Variants in LAMA2 observed in about 807,000 individuals in gnomAD.
The protein encoded by LAMA2 is laminin subunit alpha 2.
A neutral mutation model predicts 364.8 loss-of-function variants in LAMA2; 269 were observed. The ratio of observed to expected loss-of-function variants is 0.74; its 90% CI spans 0.67 to 0.82. LAMA2 has a LOEUF of 0.82. Among genes scored for constraint, LAMA2 ranks in the 40% least tolerant of loss-of-function variants. The probability of loss-of-function intolerance (pLI) is 0.00; values close to 1 mark genes in which losing one functional copy is unlikely to be tolerated. For missense variants in LAMA2, 3,807 were observed against 3,873.2 expected (o/e 0.98, Z 0.45); for synonymous variants, 1,379 against 1,370.6 (o/e 1.01, Z -0.14).
intron 15 of LAMA2, among the ~76,000 whole-genome samples, chr6:129,264,468 A>G (rs1787359826): frequency 6.6e-6 from 1 of 152,060 alleles, no homozygotes; most frequent in Non-Finnish European, 1.5e-5. Context: ...GTCAATGTGT[A>G]TTTATAATAT....
intron 1 of LAMA2, among the ~76,000 whole-genome samples, chr6:128,923,727 G>A (rs1778899750): frequency 6.6e-6 from 1 of 152,098 alleles, no homozygotes; most frequent in Admixed American, 6.6e-5. Flanking sequence ...TTGATGCTAA[G>A]CCATGCTGCA....
chr6:129,027,475 A>C (rs1785905111), intron 1 of LAMA2, among the ~76,000 whole-genome samples: 1 of 151,996 alleles, frequency 6.6e-6, no homozygotes, highest in Non-Finnish European at 1.5e-5. Flanking sequence ...TTGACTATGC[A>C]CCTATTGGTG....
At chr6:129,310,466 A>C (rs1160004479) in intron 22 of LAMA2, among the ~76,000 whole-genome samples, 2 of 152,156 alleles carry the variant, frequency 1.3e-5, no homozygotes, top group East Asian at 3.9e-4. Flanking sequence ...ACTGGGCTGT[A>C]GATCTGAGAA....
intron 4 of LAMA2, among the ~76,000 whole-genome samples, chr6:129,110,434 G>A (rs567403072): frequency 3.9e-5 from 6 of 152,042 alleles, no homozygotes; most frequent in South Asian, 2.1e-4. Context: ...TTTATTTTAC[G>A]TTACCTAAGT....
At chr6:129,332,283 T>C in intron 29 of LAMA2, among the ~76,000 whole-genome samples, 1 of 152,364 alleles carries the variant, frequency 6.6e-6, no homozygotes, top group South Asian at 2.1e-4. Flanking sequence ...TGATACATTA[T>C]TGTATCTGAA....
At chr6:128,899,413 C>T (rs1582627947) in intron 1 of LAMA2, among the ~76,000 whole-genome samples, 1 of 152,316 alleles carries the variant, frequency 6.6e-6, no homozygotes, top group Non-Finnish European at 1.5e-5. Context: ...TTTCCAAGAT[C>T]TTTAGCTCTT....
chr6:129,278,678 A>C (rs1219630899), intron 17 of LAMA2, among the ~76,000 whole-genome samples: 2 of 152,160 alleles, frequency 1.3e-5, no homozygotes, highest in African/African-American at 2.4e-5. Flanking sequence ...TCTGCTGTTC[A>C]TCACAGCTAC....
rs1383370732 is a variant in LAMA2, at chr6:128,883,341, G to C, written c.96G>C (p.Gln32His). Residue 32 changes from glutamine to histidine, a missense_variant, in exon 1 of 65, where the codon CAG (glutamine) becomes CAC (histidine). Gln to His is a conservative substitution (Grantham distance 24). Coordinates refer to ENST00000421865, the MANE Select transcript of LAMA2 (RefSeq NM_000426.4). ...AQRPQQQRQS[Q>H]AHQQRGLFPA... ...GGCCGCAGCAGCAGCGGCAGTCACA[G>C]GCACATCAGCAAAGAGGTACAGTCG... The C allele has an allele frequency of 3.8e-6, 6 of 1,598,464 alleles. No homozygotes were observed. Among genetic ancestry groups the C allele is most frequent in the Non-Finnish European group, 4.3e-6 (5 of 1,172,872 alleles).
chr6:129,211,084 C>A (rs1783072290), intron 12 of LAMA2, among the ~76,000 whole-genome samples: 1 of 152,130 alleles, frequency 6.6e-6, no homozygotes, highest in Non-Finnish European at 1.5e-5. Flanking sequence ...AGGTCTCCTG[C>A]AGATTTAAAA....
At chr6:129,181,167 T>G (rs1014328013) in intron 10 of LAMA2, among the ~76,000 whole-genome samples, 1 of 152,048 alleles carries the variant, frequency 6.6e-6, no homozygotes, top group African/African-American at 2.4e-5. Context: ...GCTGGCATTC[T>G]TCAACAAGTC....
At chr6:129,372,243 C>A (rs548672729) in intron 34 of LAMA2, among the ~76,000 whole-genome samples, 2 of 152,084 alleles carry the variant, frequency 1.3e-5, no homozygotes, top group Non-Finnish European at 2.9e-5. Context: ...ATGTGTCCAC[C>A]GTTGTTGTAA....
At chr6:129,128,993 T>C (rs538416169) in intron 4 of LAMA2, among the ~76,000 whole-genome samples, 1 of 152,322 alleles carries the variant, frequency 6.6e-6, no homozygotes, top group East Asian at 1.9e-4. Flanking sequence ...CAACTTCCTG[T>C]GGTTGACTCT....
chr6:129,052,119 C>T (rs1788093467), intron 2 of LAMA2, among the ~76,000 whole-genome samples: 1 of 147,772 alleles, frequency 6.8e-6, no homozygotes, highest in Non-Finnish European at 1.5e-5. Context: ...TTAAAATTTG[C>T]TTAGTATTTC....
chr6:129,339,380 C>G (rs1294037523), intron 29 of LAMA2, among the ~76,000 whole-genome samples: 1 of 152,124 alleles, frequency 6.6e-6, no homozygotes, highest in Non-Finnish European at 1.5e-5. Flanking sequence ...CAAGGTTTAG[C>G]AAGAGATGAA....
In LAMA2 at chr6:129,380,669, G is replaced by A. The variant is rs539664426; in HGVS notation, c.4960-2453G>A. Among the ~76,000 whole-genome samples the A allele has an allele frequency of 2.6e-5, 4 of 152,208 alleles. No individual in the cohort carries two copies. The East Asian group carries it at 7.7e-4, about 29-fold the overall frequency. ...AGGTGTTGAGGAGAAGCTCATTCTA[G>A]GTAAAGACAATGGGATACAAGAAGG... On this transcript the variant is annotated intron_variant, in intron 34 of 64. Coordinates refer to ENST00000421865, the MANE Select transcript of LAMA2 (RefSeq NM_000426.4).
intron 53 of LAMA2, among the ~76,000 whole-genome samples, chr6:129,477,541 C>A (rs1357165966): frequency 6.6e-6 from 1 of 152,150 alleles, no homozygotes; most frequent in African/African-American, 2.4e-5. Context: ...AGATCACTTG[C>A]AACATCTGGA....
At chr6:129,180,317 A>T (rs1780853727) in intron 10 of LAMA2, among the ~76,000 whole-genome samples, 1 of 152,188 alleles carries the variant, frequency 6.6e-6, no homozygotes, top group South Asian at 2.1e-4. Context: ...CCAAGTTAGT[A>T]ACTTTAAATA....
intron 29 of LAMA2, among the ~76,000 whole-genome samples, chr6:129,335,383 GA>G (rs1775900058): frequency 6.6e-6 from 1 of 151,782 alleles, no homozygotes; most frequent in Non-Finnish European, 1.5e-5. Flanking sequence ...TAGATAGATA[GA>G]TAGATAGATA....
At chr6:129,493,670 C>T (rs1785002603) in intron 58 of LAMA2, among the ~76,000 whole-genome samples, 4 of 152,260 alleles carry the variant, frequency 2.6e-5, no homozygotes, top group South Asian at 2.1e-4. Context: ...CAGGGCTAAA[C>T]AATTTTCATT....
Sources: gnomAD v4.1 joint callset for allele counts (sites outside exome capture counted in the v4.1 genomes callset) on GRCh38, gnomAD v4.1.1 for gene constraint, MANE v1.5 for transcripts, NCBI Gene and HGNC (gene_info 2026-07-23, HGNC 2026-07-21) for gene names.